The following MEI4 variants were observed in gnomAD, a reference collection of about 807,000 sequenced individuals.
MEI4 encodes meiosis-specific protein MEI4.
MEI4 carries 27 observed loss-of-function variants against 31.4 expected under a neutral mutation model. That is an observed-to-expected ratio of 0.86 (90% CI 0.63 to 1.19). The LOEUF (loss-of-function observed/expected upper bound fraction) is 1.19. Ranked by LOEUF, MEI4 falls within the 50% of genes most tolerant of loss-of-function variation. MEI4 has a pLI of 0.00. For missense variants in MEI4, 329 were observed against 398.9 expected (o/e 0.82, Z 1.49); for synonymous variants, 122 against 145.4 (o/e 0.84, Z 1.16).
At chr6:77,801,147 T>A (rs1230994543) in intron 3 of MEI4, among the ~76,000 whole-genome samples, 2 of 152,222 alleles carry the variant, frequency 1.3e-5, no homozygotes, top group Non-Finnish European at 2.9e-5. Context: ...TGGTAAGCTA[T>A]TAATTATTGC....
chr6:77,701,786 T>G (rs886921143), intron 2 of MEI4, among the ~76,000 whole-genome samples: 14 of 152,178 alleles, frequency 9.2e-5, no homozygotes, highest in African/African-American at 3.4e-4. Context: ...TAGTAAATGT[T>G]TATTAATTAC....
chr6:77,660,629 A>T (rs1448878697), intron 1 of MEI4, among the ~76,000 whole-genome samples: 1 of 152,078 alleles, frequency 6.6e-6, no homozygotes, highest in East Asian at 1.9e-4. Flanking sequence ...GGACAAAAAG[A>T]CCTAATAGAA....
chr6:77,762,630 T>A (rs1412114392), intron 3 of MEI4, among the ~76,000 whole-genome samples: 1 of 152,210 alleles, frequency 6.6e-6, no homozygotes, highest in Non-Finnish European at 1.5e-5. Flanking sequence ...AGGGTTTTTG[T>A]ACAGTGGAGG....
At chr6:77,732,181 T>C (rs976557057) in intron 2 of MEI4, among the ~76,000 whole-genome samples, 2 of 151,734 alleles carry the variant, frequency 1.3e-5, no homozygotes, top group African/African-American at 4.9e-5. Context: ...ATTGGTAGCT[T>C]GATGGGGATG....
intron 2 of MEI4, among the ~76,000 whole-genome samples, chr6:77,710,543 GAAAA>G (rs1731091053): frequency 8.9e-6 from 1 of 112,738 alleles, no homozygotes; most frequent in Non-Finnish European, 1.7e-5. Context: ...AAAAAAAAAA[GAAAA>G]GGTAAAATAA....
In MEI4 at chr6:77,746,639, GTGTGTGT is replaced by G. The variant is rs1370354442; in HGVS notation, c.233-14490_233-14484del. Among the ~76,000 whole-genome samples, 8 of 4,628 alleles carry G rather than the reference GTGTGTGT, an allele frequency of 1.7e-3. No individual in the cohort carries two copies. In the South Asian group the frequency reaches 0.025, roughly 15 times the overall value. 3.0% of individuals were successfully genotyped at this position (4,628 alleles called of 152,430 possible). A position where few individuals can be genotyped will look rare whatever the true frequency, so the allele number is the denominator to read the frequency against. The stretch of plus-strand genomic sequence containing the variant: ...AAGTCAGTTTCTTAAAATATATGGC[GTGTGTGT>G]GTGTGTGTGTGTGTGTGTGTGTGTG... On this transcript the variant is annotated intron_variant, in intron 2 of 4. Transcript: ENST00000684080.
intron 4 of MEI4, among the ~76,000 whole-genome samples, chr6:77,904,535 C>A (rs894432696): frequency 2.0e-5 from 3 of 152,024 alleles, no homozygotes; most frequent in Non-Finnish European, 4.4e-5. Flanking sequence ...ATATTTAGCT[C>A]TCACTTATAA....
chr6:77,829,150 C>A, intron 4 of MEI4, 88 bp downstream of exon 4: 1 of 1,005,740 alleles, frequency 9.9e-7, no homozygotes, highest in Non-Finnish European at 1.3e-6. Context: ...TCTCTTCTTT[C>A]CAGGCTGATG....
chr6:77,886,835 T>C (rs1771631178), intron 4 of MEI4, among the ~76,000 whole-genome samples: 1 of 152,178 alleles, frequency 6.6e-6, no homozygotes, highest in African/African-American at 2.4e-5. Context: ...TTTATTTGGG[T>C]CTTCTCTCTT....
At chr6:77,816,536 A>G (rs1297160010) in intron 3 of MEI4, among the ~76,000 whole-genome samples, 1 of 152,130 alleles carries the variant, frequency 6.6e-6, no homozygotes, top group Non-Finnish European at 1.5e-5. Flanking sequence ...AATCCAGTCT[A>G]TCATTGATGG....
chr6:77,862,234 AG>A (rs1416392285), intron 4 of MEI4, among the ~76,000 whole-genome samples: 1 of 152,172 alleles, frequency 6.6e-6, no homozygotes, highest in Non-Finnish European at 1.5e-5. Flanking sequence ...GGTGCAGGAC[AG>A]TGGGTGCAGC....
At position 77,923,872 on chromosome 6, in the gene MEI4, A is replaced by G. The variant is rs920487876; in HGVS notation, c.*526A>G. 2.4e-4 allele frequency: 36 copies of G among 151,778 alleles called. No individual in the cohort carries two copies. The highest frequency in any genetic ancestry group is 8.0e-4 in the African/African-American group (33 of 41,402). 9.4% of individuals were successfully genotyped at this position (151,778 alleles called of 1,614,324 possible). A position where few individuals can be genotyped will look rare whatever the true frequency, so the allele number is the denominator to read the frequency against. ...CATATAGAAGTAGAACTTTTTTAAC[A>G]TTTGGAAACTTAATTGCTTTTTATT... On this transcript the variant is annotated 3_prime_UTR_variant, in exon 5 of 5. Transcript: ENST00000684080.
At chr6:77,865,457 G>A (rs1407182913) in intron 4 of MEI4, among the ~76,000 whole-genome samples, 6 of 152,082 alleles carry the variant, frequency 3.9e-5, no homozygotes, top group Admixed American at 6.6e-5. Flanking sequence ...ACACTTCTAC[G>A]CAAATAAACT....
At chr6:77,874,552 CAG>C (rs1447777284) in intron 4 of MEI4, among the ~76,000 whole-genome samples, 1 of 152,178 alleles carries the variant, frequency 6.6e-6, no homozygotes, top group Non-Finnish European at 1.5e-5. Flanking sequence ...CATCTGCAAA[CAG>C]GGACAATTTG....
chr6:77,735,953 AGG>A (rs55796221), intron 2 of MEI4, among the ~76,000 whole-genome samples: 1 of 151,916 alleles, frequency 6.6e-6, no homozygotes, highest in Non-Finnish European at 1.5e-5. Flanking sequence ...CTCGGGGGTC[AGG>A]GGTCAGGGAC....
intron 4 of MEI4, among the ~76,000 whole-genome samples, chr6:77,901,200 A>G (rs1379638448): frequency 1.3e-5 from 2 of 152,034 alleles, no homozygotes; most frequent in East Asian, 3.9e-4. Context: ...TTTCTTTGAC[A>G]TAATGATTTT....
intron 4 of MEI4, among the ~76,000 whole-genome samples, chr6:77,873,157 A>C (rs1178914666): frequency 6.6e-6 from 1 of 152,188 alleles, no homozygotes; most frequent in African/African-American, 2.4e-5. Context: ...TTCTAGTTCT[A>C]GATCCCTGAG....
chr6:77,732,159 G>C (rs924026754), intron 2 of MEI4, among the ~76,000 whole-genome samples: 9 of 151,364 alleles, frequency 5.9e-5, no homozygotes, highest in African/African-American at 2.2e-4. Context: ...TTCCAATTCT[G>C]TGAAGAACGT....
intron 2 of MEI4, among the ~76,000 whole-genome samples, chr6:77,735,421 C>T (rs183816944): frequency 0.15 from 22,740 of 151,828 alleles, 2,118 homozygotes; most frequent in East Asian, 0.4. Context: ...TCCAGTTGAT[C>T]GCATCGGCTC....
Sources: gnomAD v4.1 joint callset for allele counts (sites outside exome capture counted in the v4.1 genomes callset) on GRCh38, gnomAD v4.1.1 for gene constraint, MANE v1.5 for transcripts, NCBI Gene and HGNC (gene_info 2026-07-23, HGNC 2026-07-21) for gene names.